Variants in CCNH observed in about 807,000 individuals in gnomAD.
CCNH encodes cyclin-H.
In CCNH, 31 loss-of-function variants were observed where a neutral mutation model predicts 41.9. The observed-to-expected ratio is 0.74, with a 90% confidence interval of 0.56 to 1.00. CCNH has a LOEUF of 1.00. CCNH is among the 50% of genes least tolerant of loss of function. The pLI is 0.00. For synonymous variants in CCNH, 138 were observed against 136.1 expected (o/e 1.01, Z -0.10); for missense variants, 362 against 388.4 (o/e 0.93, Z 0.57).
At chr5:87,347,490 T>C (rs1240987439) in intron 9 of CCNH, among the ~76,000 whole-genome samples, 1 of 152,054 alleles carries the variant, frequency 6.6e-6, no homozygotes, top group Non-Finnish European at 1.5e-5. Context: ...CTTTAGTATG[T>C]AATTTAAAAG....
At chr5:87,329,661 G>A (rs1214696701) in intron 9 of CCNH, among the ~76,000 whole-genome samples, 1 of 151,906 alleles carries the variant, frequency 6.6e-6, no homozygotes, top group Non-Finnish European at 1.5e-5. Context: ...CAAATAACAA[G>A]TATATAAAAA....
Position 87,412,747 on chromosome 5 carries a change from C to G in CCNH, c.48G>C (p.Glu16Asp). The change falls in exon 1 of 9, where the codon GAG (glutamate) becomes GAC (aspartate). Residue 16 changes from glutamate to aspartate, a missense_variant. Glu to Asp is a conservative substitution (Grantham distance 45, BLOSUM62 2). Coordinates refer to ENST00000256897, the MANE Select transcript of CCNH (RefSeq NM_001239.4). ...SQKRHWTFSS[E>D]EQLARLRADA... The stretch of plus-strand genomic sequence containing the variant: ...CAGCCCGCAGTCTTGCCAGCTGCTC[C>G]TCGCTGGAGAAGGTCCAGTGCCGCT... 1 of 1,614,092 alleles carries G rather than the reference C, an allele frequency of 6.2e-7. No individual in the cohort carries two copies. Among genetic ancestry groups the G allele is most frequent in the East Asian group, 2.2e-5 (1 of 44,898 alleles).
At position 87,353,238 on chromosome 5, in the gene CCNH, C is replaced by G. The variant is rs372660229; in HGVS notation, c.*91-34341G>C. The stretch of plus-strand genomic sequence containing the variant: ...TTAAGGAACCTGTACCAATGCAGGT[C>G]AGTGTTGCATTTCTTATTGCAATAA... On this transcript the variant is annotated intron_variant and NMD_transcript_variant, in intron 9 of 9. Coordinates refer to the CCNH transcript ENST00000645953. 2 of 1,595,968 alleles carry G rather than the reference C, an allele frequency of 1.3e-6. No homozygotes were observed. The highest frequency in any genetic ancestry group is 1.7e-6 in the Non-Finnish European group (2 of 1,164,374).
At chr5:87,403,469 T>C in intron 5 of CCNH, among the ~76,000 whole-genome samples, 1 of 152,166 alleles carries the variant, frequency 6.6e-6, no homozygotes, top group East Asian at 1.9e-4. Flanking sequence ...AAGAGGACTT[T>C]TGTTCCCTTA....
chr5:87,377,252 G>A, upstream of CCNH: 1 of 613,200 alleles, frequency 1.6e-6, no homozygotes, highest in Non-Finnish European at 2.8e-6. Flanking sequence ...GGTTTTGGCA[G>A]ATAAGTACTA....
intron 9 of CCNH, chr5:87,366,403 C>A: frequency 2.5e-6 from 1 of 403,466 alleles, no homozygotes; most frequent in Non-Finnish European, 5.0e-6. Flanking sequence ...GTCCACATTA[C>A]ACTTGATGGT....
chr5:87,395,742 C>T (rs953913870), intron 7 of CCNH, among the ~76,000 whole-genome samples: 5 of 152,022 alleles, frequency 3.3e-5, no homozygotes, highest in Non-Finnish European at 5.9e-5. Context: ...TGTGGTTGAG[C>T]ACCTGTAGTC....
At chr5:87,326,838 A>C (rs1757266281) in intron 9 of CCNH, among the ~76,000 whole-genome samples, 2 of 152,192 alleles carry the variant, frequency 1.3e-5, no homozygotes, top group African/African-American at 4.8e-5. Context: ...GAGTTTTGAG[A>C]AAATTTCCTC....
chr5:87,400,072 T>C (rs1365986596), intron 6 of CCNH, among the ~76,000 whole-genome samples: 2 of 152,160 alleles, frequency 1.3e-5, no homozygotes, highest in Non-Finnish European at 2.9e-5. Flanking sequence ...ACTTTATAAT[T>C]GCAAAAACAT....
chr5:87,348,948 C>A (rs907463347), intron 9 of CCNH, among the ~76,000 whole-genome samples: 52 of 151,672 alleles, frequency 3.4e-4, no homozygotes, highest in African/African-American at 1.2e-3. Context: ...TATTACTGAC[C>A]AGAAGTTACT....
At chr5:87,394,125 C>G (rs1762729726), downstream of CCNH, 1 of 403,788 alleles carries the variant, frequency 2.5e-6, no homozygotes, top group African/African-American at 2.1e-5. Context: ...AAGCTGGCTA[C>G]TAAGTTTTGT....
intron 9 of CCNH, among the ~76,000 whole-genome samples, chr5:87,338,412 A>G (rs1375318153): frequency 6.8e-6 from 1 of 146,648 alleles, no homozygotes; most frequent in Admixed American, 6.8e-5. Context: ...GCTCACTGCA[A>G]CCTCCACCTC....
At chr5:87,379,893 T>G, upstream of CCNH, 1 of 1,580,286 alleles carries the variant, frequency 6.3e-7, no homozygotes, top group Non-Finnish European at 8.7e-7. Flanking sequence ...TGTGTATCTA[T>G]GTCTTCAGAA....
intron 1 of CCNH, 24 bp from the exon 2 acceptor site, chr5:87,411,370 A>C: frequency 6.3e-7 from 1 of 1,579,370 alleles, no homozygotes; most frequent in Admixed American, 1.9e-5. Flanking sequence ...ATTACAACAC[A>C]AGTTCAATGA....
chr5:87,376,660 A>T (rs1761347679), exon 1 of CCNH: 1 of 1,434,058 alleles, frequency 7.0e-7, no homozygotes, highest in Non-Finnish European at 9.7e-7. Context: ...AGTAATTCAT[A>T]GCTTAGTAGC....
At position 87,369,887 on chromosome 5, in the gene CCNH, C is replaced by A. The variant is rs760475694; in HGVS notation, c.*90+22883G>T. 1.9e-6 allele frequency: 3 copies of A among 1,606,406 alleles called. No homozygotes were observed. The South Asian group carries it at 3.3e-5, about 18-fold the overall frequency. ...ATCTTTTACTTTGCAGGAGAAACTC[C>A]AGAACAAGCAGAGGTAAGATTACTG... On this transcript the variant is annotated intron_variant and NMD_transcript_variant, in intron 9 of 9. Coordinates refer to the CCNH transcript ENST00000645953.
chr5:87,374,160 TAGGTCAG>T, downstream of CCNH: 1 of 1,441,136 alleles, frequency 6.9e-7, no homozygotes, highest in Non-Finnish European at 9.1e-7. Flanking sequence ...TTTTTTTTTT[TAGGTCAG>T]CAGCCTTGTT....
chr5:87,393,406 A>G (rs1385019071), downstream of CCNH: 5 of 152,204 alleles, frequency 3.3e-5, no homozygotes, highest in African/African-American at 1.2e-4. Context: ...ATTCTAATTA[A>G]TCCTATGAAG....
At chr5:87,340,902 A>G (rs961437807) in intron 9 of CCNH, among the ~76,000 whole-genome samples, 1 of 152,128 alleles carries the variant, frequency 6.6e-6, no homozygotes, top group Admixed American at 6.5e-5. Context: ...TGTAGACTTG[A>G]GTCCTGTGGT....
Sources: allele counts gnomAD v4.1 joint callset (sites outside exome capture counted in the v4.1 genomes callset), GRCh38; gene constraint gnomAD v4.1.1; transcripts MANE v1.5; gene names NCBI Gene and HGNC (gene_info 2026-07-23, HGNC 2026-07-21).